The following CCPG1 variants were observed in gnomAD, a reference collection of about 807,000 sequenced individuals.
CCPG1 encodes the protein cell cycle progression protein 1.
In CCPG1, 46 loss-of-function variants were observed where a neutral mutation model predicts 81.3. The ratio of observed to expected loss-of-function variants is 0.57; its 90% CI spans 0.45 to 0.72. CCPG1 has a LOEUF of 0.72. Among genes scored for constraint, CCPG1 ranks in the 30% least tolerant of loss-of-function variants. The pLI is 0.00. For synonymous variants in CCPG1, 330 were observed against 305.2 expected, an observed-to-expected ratio of 1.08 and a Z score of -0.85; for missense variants, 902 against 937.6, an observed-to-expected ratio of 0.96 and a Z score of 0.50.
intron 3 of CCPG1, among the ~76,000 whole-genome samples, chr15:55,379,657 C>T (rs1339635424): frequency 6.6e-6 from 1 of 151,998 alleles, no homozygotes; most frequent in East Asian, 1.9e-4. Context: ...CATAGCGAGA[C>T]CAGTTCTACC....
intron 5 of CCPG1, among the ~76,000 whole-genome samples, chr15:55,375,839 C>T (rs1014892628): frequency 2.8e-4 from 42 of 152,076 alleles, no homozygotes; most frequent in African/African-American, 8.0e-4. Context: ...GGACCACATG[C>T]GCACGCCATC....
chr15:55,387,784 T>A (rs1350110684), intron 2 of CCPG1, among the ~76,000 whole-genome samples: 4 of 148,284 alleles, frequency 2.7e-5, no homozygotes, highest in African/African-American at 7.4e-5. Context: ...ACCTCAGTGA[T>A]CTGCCCCGAC....
intron 8 of CCPG1, chr15:55,356,844 C>G: frequency 1.0e-6 from 1 of 987,732 alleles, no homozygotes; most frequent in Non-Finnish European, 1.2e-6. Context: ...ACACCGCTTT[C>G]CTTAATGTCT....
At chr15:55,402,288 C>A (rs985092818) in intron 1 of CCPG1, among the ~76,000 whole-genome samples, 3 of 152,146 alleles carry the variant, frequency 2.0e-5, no homozygotes, top group African/African-American at 7.2e-5. Flanking sequence ...AGTACAGTGG[C>A]ACCATCACAG....
chr15:55,386,979 T>C (rs937877101), intron 2 of CCPG1, among the ~76,000 whole-genome samples: 8 of 152,012 alleles, frequency 5.3e-5, no homozygotes, highest in African/African-American at 1.9e-4. Flanking sequence ...AGGTTGTCTA[T>C]AGTGGCAGGA....
intron 5 of CCPG1, chr15:55,374,095 T>C (rs963264852): frequency 9.6e-6 from 9 of 936,630 alleles, no homozygotes; most frequent in Admixed American, 7.0e-5. Flanking sequence ...ACTCGGTAAA[T>C]AGTAAATGTG....
chr15:55,397,797 T>G (rs1180306638), intron 1 of CCPG1, among the ~76,000 whole-genome samples: 1 of 152,002 alleles, frequency 6.6e-6, no homozygotes, highest in Non-Finnish European at 1.5e-5. Flanking sequence ...ACCAACATGG[T>G]GAAACCCTGT....
At chr15:55,382,166 T>G (rs997939768) in intron 3 of CCPG1, among the ~76,000 whole-genome samples, 2 of 152,110 alleles carry the variant, frequency 1.3e-5, no homozygotes, top group African/African-American at 2.4e-5. Flanking sequence ...GCTGGGGCAA[T>G]TTCTTGAAGT....
At chr15:55,367,504 G>A (rs1035928249) in intron 6 of CCPG1, among the ~76,000 whole-genome samples, 9 of 151,858 alleles carry the variant, frequency 5.9e-5, no homozygotes, top group Non-Finnish European at 1.0e-4. Flanking sequence ...ATGTTGCAGC[G>A]CTGTCAGATT....
intron 8 of CCPG1, chr15:55,358,553 A>C (rs1249036831): frequency 3.0e-6 from 3 of 985,276 alleles, no homozygotes; most frequent in Admixed American, 6.2e-5. Context: ...CCTTCCTTTT[A>C]AGTGAAATTC....
At chr15:55,377,633 G>A (rs2056594557) in intron 4 of CCPG1, among the ~76,000 whole-genome samples, 2 of 152,232 alleles carry the variant, frequency 1.3e-5, no homozygotes, top group African/African-American at 2.4e-5. Context: ...GTACTAAGAA[G>A]TGGGACCTTT....
intron 2 of CCPG1, among the ~76,000 whole-genome samples, chr15:55,387,949 C>T (rs1274940148): frequency 6.7e-6 from 1 of 150,232 alleles, no homozygotes; most frequent in African/African-American, 2.4e-5. Context: ...GTCGGGAGTT[C>T]GAGACCAGCC....
chr15:55,376,815 A>T, intron 5 of CCPG1, 134 bp downstream of exon 5: 1 of 652,300 alleles, frequency 1.5e-6, no homozygotes, highest in East Asian at 2.7e-5. Context: ...GATTTCACAC[A>T]CAAAAATAGT....
intron 5 of CCPG1, chr15:55,374,215 A>C (rs1168248128): frequency 2.3e-5 from 29 of 1,288,888 alleles, no homozygotes; most frequent in Non-Finnish European, 2.9e-5. Context: ...CCCCATATGC[A>C]CTCAGGAATC....
At chr15:55,389,569 C>A (rs371143794) in intron 1 of CCPG1, 136 bp from the exon 2 acceptor site, 4 of 673,192 alleles carry the variant, frequency 5.9e-6, no homozygotes, top group African/African-American at 3.6e-5. Flanking sequence ...CATAGATTTA[C>A]CATACAGAAC....
intron 1 of CCPG1, among the ~76,000 whole-genome samples, chr15:55,405,027 C>G (rs1356034275): frequency 1.3e-5 from 2 of 151,790 alleles, no homozygotes; most frequent in Non-Finnish European, 2.9e-5. Context: ...GAGTTCATGA[C>G]CAGCCCGGCT....
At chr15:55,356,900 T>C (rs986740553) in intron 8 of CCPG1, 24 of 985,602 alleles carry the variant, frequency 2.4e-5, no homozygotes, top group Middle Eastern at 5.2e-4. Context: ...CATACTGTCA[T>C]CCCCTGGCCG....
intron 5 of CCPG1, among the ~76,000 whole-genome samples, chr15:55,374,958 C>T (rs756409870): frequency 1.3e-5 from 2 of 152,318 alleles, no homozygotes; most frequent in South Asian, 2.1e-4. Context: ...AGCCAAAGTG[C>T]CCGGCCCCAA....
At chr15:55,361,825 T>C (rs1418076930) in intron 7 of CCPG1, among the ~76,000 whole-genome samples, 1 of 152,228 alleles carries the variant, frequency 6.6e-6, no homozygotes, top group Non-Finnish European at 1.5e-5. Context: ...TTAGTCCTAT[T>C]TGAAACATTT....
Sources: allele counts gnomAD v4.1 joint callset (sites outside exome capture counted in the v4.1 genomes callset), GRCh38; gene constraint gnomAD v4.1.1; transcripts MANE v1.5; gene names NCBI Gene and HGNC (gene_info 2026-07-23, HGNC 2026-07-21).